Variants in CXCL13 observed in about 807,000 individuals in gnomAD.
CXCL13 encodes C-X-C motif chemokine ligand 13, also known as C-X-C motif chemokine 13.
CXCL13 carries 7 observed loss-of-function variants against 12.2 expected under a neutral mutation model. The observed-to-expected ratio is 0.57, with a 90% CI of 0.33 to 1.07. The LOEUF (loss-of-function observed/expected upper bound fraction) is 1.07. Among genes scored for constraint, CXCL13 ranks in the 50% least tolerant of loss-of-function variants. The pLI is 0.04. For synonymous variants in CXCL13, 47 were observed against 42.4 expected (o/e 1.11, Z -0.42); for missense variants, 113 against 127.4 (o/e 0.89, Z 0.55).
At chr4:77,607,558 T>G in intron 1 of CXCL13, 145 bp from the exon 2 acceptor site, 1 of 667,806 alleles carries the variant, frequency 1.5e-6, no homozygotes, top group Non-Finnish European at 2.5e-6. Context: ...CAAGCAGAAA[T>G]ATACAAACTA....
At chr4:77,579,492 T>C (rs1726268223) in intron 1 of CXCL13, among the ~76,000 whole-genome samples, 1 of 152,208 alleles carries the variant, frequency 6.6e-6, no homozygotes, top group Non-Finnish European at 1.5e-5. Context: ...AATTAGAAAG[T>C]TAAGGTTTTC....
At chr4:77,558,741 G>A (rs143479404) in intron 1 of CXCL13, among the ~76,000 whole-genome samples, 1 of 152,292 alleles carries the variant, frequency 6.6e-6, no homozygotes, top group East Asian at 1.9e-4. Context: ...CCACGTGTCA[G>A]GGTCTTATTT....
At chr4:77,527,921 C>A (rs954440687) in intron 1 of CXCL13, among the ~76,000 whole-genome samples, 2 of 151,848 alleles carry the variant, frequency 1.3e-5, no homozygotes, top group African/African-American at 4.8e-5. Flanking sequence ...TAATGCTATC[C>A]CTCCCCTATC....
intron 1 of CXCL13, among the ~76,000 whole-genome samples, chr4:77,537,304 G>T (rs958701438): frequency 6.6e-6 from 1 of 152,192 alleles, no homozygotes; most frequent in Non-Finnish European, 1.5e-5. Context: ...GCAGAGAGGA[G>T]CTGTGTGTGG....
At chr4:77,595,953 T>C (rs142284210) in intron 1 of CXCL13, among the ~76,000 whole-genome samples, 1 of 152,318 alleles carries the variant, frequency 6.6e-6, no homozygotes, top group Non-Finnish European at 1.5e-5. Flanking sequence ...CTCCTCAATT[T>C]GGCACTCAAA....
chr4:77,531,379 G>A (rs1028267955), intron 1 of CXCL13, among the ~76,000 whole-genome samples: 3 of 148,998 alleles, frequency 2.0e-5, no homozygotes, highest in Non-Finnish European at 4.4e-5. Flanking sequence ...TGTTTGGTGG[G>A]TTCTAGTTTG....
intron 1 of CXCL13, among the ~76,000 whole-genome samples, chr4:77,520,421 G>A (rs1724562548): frequency 6.6e-6 from 1 of 152,102 alleles, no homozygotes; most frequent in South Asian, 2.1e-4. Flanking sequence ...TCCTTGAAGA[G>A]GTCCTTCACA....
chr4:77,595,727 C>G (rs1468726379), intron 1 of CXCL13, among the ~76,000 whole-genome samples: 1 of 152,142 alleles, frequency 6.6e-6, no homozygotes, highest in Non-Finnish European at 1.5e-5. Context: ...TTTGCTCTAG[C>G]CTTCTTATCA....
At chr4:77,582,400 GCAGT>G (rs1346699002) in intron 1 of CXCL13, among the ~76,000 whole-genome samples, 1 of 152,200 alleles carries the variant, frequency 6.6e-6, no homozygotes. Context: ...GATCGGGTAG[GCAGT>G]GGGATCAGGG....
upstream of CXCL13, among the ~76,000 whole-genome samples, chr4:77,603,472 T>C (rs1726935696): frequency 6.6e-6 from 1 of 152,216 alleles, no homozygotes; most frequent in African/African-American, 2.4e-5. Context: ...AGTGTATGCG[T>C]GTCTGTGGCT....
chr4:77,535,619 T>C (rs1009884534), intron 1 of CXCL13, among the ~76,000 whole-genome samples: 4 of 152,002 alleles, frequency 2.6e-5, no homozygotes, highest in Non-Finnish European at 4.4e-5. Context: ...ACCTGCTTCT[T>C]GGTGATACTC....
At chr4:77,580,125 G>A (rs1052135221) in intron 1 of CXCL13, among the ~76,000 whole-genome samples, 1 of 151,984 alleles carries the variant, frequency 6.6e-6, no homozygotes, top group African/African-American at 2.4e-5. Flanking sequence ...GATGAATGGT[G>A]AGAAATTATT....
intron 1 of CXCL13, among the ~76,000 whole-genome samples, chr4:77,547,395 T>C (rs1725391847): frequency 6.6e-6 from 1 of 152,210 alleles, no homozygotes; most frequent in Non-Finnish European, 1.5e-5. Context: ...AAGGACTTGC[T>C]TTATGAATCT....
intron 1 of CXCL13, among the ~76,000 whole-genome samples, chr4:77,522,994 C>G (rs1193762545): frequency 6.6e-6 from 1 of 152,130 alleles, no homozygotes; most frequent in Non-Finnish European, 1.5e-5. Context: ...ATATTAAATT[C>G]TAGGTTGAAA....
At chr4:77,515,953 A>G (rs988462166) in intron 1 of CXCL13, among the ~76,000 whole-genome samples, 1 of 152,186 alleles carries the variant, frequency 6.6e-6, no homozygotes, top group African/African-American at 2.4e-5. Flanking sequence ...TTTGTCATAG[A>G]TAGCTCTTAT....
At chr4:77,602,131 G>A (rs938610925), upstream of CXCL13, among the ~76,000 whole-genome samples, 34 of 152,262 alleles carry the variant, frequency 2.2e-4, 1 homozygote, top group African/African-American at 7.9e-4. Flanking sequence ...AAACTCTACC[G>A]TTAACTCTCT....
At chr4:77,565,777 G>T (rs1054968749) in intron 1 of CXCL13, among the ~76,000 whole-genome samples, 2 of 152,154 alleles carry the variant, frequency 1.3e-5, no homozygotes, top group Non-Finnish European at 2.9e-5. Flanking sequence ...TGTTACAGAG[G>T]CAATAGGAAG....
chr4:77,609,087 C>G (rs544288784), intron 2 of CXCL13, among the ~76,000 whole-genome samples: 6 of 152,138 alleles, frequency 3.9e-5, no homozygotes, highest in Non-Finnish European at 7.3e-5. Context: ...GTGAAAATAC[C>G]GTGAGTCCAG....
intron 1 of CXCL13, among the ~76,000 whole-genome samples, chr4:77,529,679 C>T (rs562853886): frequency 1.7e-4 from 26 of 152,088 alleles, no homozygotes; most frequent in Admixed American, 9.2e-4. Context: ...TTTTGGGCAG[C>T]GACGATGGGG....
Sources: allele counts gnomAD v4.1 joint callset (sites outside exome capture counted in the v4.1 genomes callset), GRCh38; gene constraint gnomAD v4.1.1; transcripts MANE v1.5; gene names NCBI Gene and HGNC (gene_info 2026-07-23, HGNC 2026-07-21).